Variants in HPS4 observed in about 807,000 individuals in gnomAD.
The protein encoded by HPS4 is HPS4 biogenesis of lysosomal organelles complex 3 subunit 2.
HPS4 carries 44 observed loss-of-function variants against 70.3 expected under a neutral mutation model. The ratio of observed to expected loss-of-function variants is 0.63; its 90% CI spans 0.49 to 0.80. HPS4 has a LOEUF of 0.80. HPS4 is among the 30% of genes least tolerant of loss of function. The probability of loss-of-function intolerance (pLI) is 0.00; values close to 1 mark genes in which losing one functional copy is unlikely to be tolerated. For synonymous variants in HPS4, 377 were observed against 355.9 expected (o/e 1.06, Z -0.67); for missense variants, 873 against 884.4 (o/e 0.99, Z 0.16).
chr22:26,465,583 T>G, intron 9 of HPS4, 32 bp from the exon 10 acceptor site: 1 of 1,561,692 alleles, frequency 6.4e-7, no homozygotes, highest in Non-Finnish European at 8.8e-7. Context: ...AACAGGACTT[T>G]CCCCTGAGCC....
chr22:26,469,088 A>G (rs1023495), intron 7 of HPS4, among the ~76,000 whole-genome samples: 126,591 of 151,998 alleles, frequency 0.83, 53,433 homozygotes, highest in Non-Finnish European at 0.9. Context: ...TACATGTACC[A>G]GTGGGGACAA....
Position 26,479,279 on chromosome 22 carries a change from A to G in HPS4, c.118T>C (p.Phe40Leu). 1 of 1,614,228 alleles carries G rather than the reference A, an allele frequency of 6.2e-7. No individual in the cohort carries two copies. Among genetic ancestry groups the G allele is most frequent in the African/African-American group, 1.3e-5 (1 of 75,054 alleles). ...GDPTRAGICY[F>L]YPSQTLLDQQ... ...GTGTGGCTTACCTGGGAAGGATAAA[A>G]GTAACAAATGCCAGCTCTTGTTGGA... is the stretch of plus-strand genomic sequence containing the variant. The change falls in exon 3 of 14, where the codon TTT becomes CTT. Residue 40 changes from phenylalanine to leucine, a missense_variant. Coordinates refer to ENST00000398145, the MANE Select transcript of HPS4 (RefSeq NM_022081.6).
At chr22:26,466,297 C>T (rs1023210455) in intron 8 of HPS4, 35 bp from the exon 9 acceptor site, 11 of 1,611,746 alleles carry the variant, frequency 6.8e-6, no homozygotes, top group East Asian at 6.7e-5. Context: ...TGGCGCTGGG[C>T]ACCACATTCT....
At chr22:26,468,522 T>C (rs747753997) in intron 8 of HPS4, 29 bp downstream of exon 8, 26 of 1,602,182 alleles carry the variant, frequency 1.6e-5, no homozygotes, top group Middle Eastern at 1.6e-4. Flanking sequence ...GGGGATGCTG[T>C]CCAGCCAGGT....
chr22:26,453,711 A>C (rs1214670412), intron 13 of HPS4: 1 of 422,334 alleles, frequency 2.4e-6, no homozygotes, highest in Non-Finnish European at 4.4e-6. Flanking sequence ...GGCTTTTTTG[A>C]CATACTGGCA....
Position 26,483,757 on chromosome 22 carries a change from C to A in HPS4, c.-562G>T. ...AGCAGCTGGGTACCTGCGACTTCTGCCCCGTACCTGCGCGCGCGGCAGAGA... is the reference window on the plus strand; with the variant it reads ...AGCAGCTGGGTACCTGCGACTTCTGACCCGTACCTGCGCGCGCGGCAGAGA... On this transcript the variant is annotated 5_prime_UTR_variant, in exon 1 of 14. Coordinates refer to ENST00000398145, the MANE Select transcript of HPS4 (RefSeq NM_022081.6). 1.8e-6 allele frequency: 1 copy of A among 562,332 alleles called. No individual in the cohort carries two copies. Among genetic ancestry groups the A allele is most frequent in the Admixed American group, 4.5e-5 (1 of 22,432 alleles). The allele number at this position is 562,332 out of a possible 1,614,324, so 34.8% of individuals were successfully genotyped here.
intron 9 of HPS4, chr22:26,465,770 G>A: frequency 1.7e-6 from 1 of 593,964 alleles, no homozygotes; most frequent in South Asian, 2.0e-5. Flanking sequence ...CCCAGCTTTG[G>A]AGAAGGAAGA....
chr22:26,447,235 C>T (rs1463665879), downstream of HPS4, among the ~76,000 whole-genome samples: 4 of 152,050 alleles, frequency 2.6e-5, no homozygotes, highest in African/African-American at 4.8e-5. Context: ...GAAAGAGAGG[C>T]CACTTTTTAT....
chr22:26,444,129 G>C (rs538527286), downstream of HPS4: 1 of 152,160 alleles, frequency 6.6e-6, no homozygotes, highest in Non-Finnish European at 1.5e-5. Flanking sequence ...ATAGGACCGC[G>C]CTCACCCAGC....
In HPS4 at chr22:26,483,731, C is replaced by G. The variant is rs1015932771; in HGVS notation, c.-536G>C. The G allele has an allele frequency of 2.2e-6, 1 of 446,668 alleles. No homozygotes were observed. Among genetic ancestry groups the G allele is most frequent in the African/African-American group, 2.1e-5 (1 of 48,444 alleles). The allele number at this position is 446,668 out of a possible 1,614,324, so 27.7% of individuals were successfully genotyped here. On this transcript the variant is annotated 5_prime_UTR_variant, in exon 1 of 14. Transcript: ENST00000398145. ...CGGGACTCTGGACCAGAAATGTGGG[C>G]AGCAGCTGGGTACCTGCGACTTCTG...
At chr22:26,463,819 C>A in intron 11 of HPS4, 98 bp downstream of exon 11, 9 of 1,301,988 alleles carry the variant, frequency 6.9e-6, no homozygotes, top group Non-Finnish European at 9.8e-6. Context: ...AGGGCTGAGC[C>A]TTTATCTCTT....
intron 11 of HPS4, among the ~76,000 whole-genome samples, chr22:26,462,371 G>T (rs2285213): frequency 0.82 from 124,801 of 152,080 alleles, 51,919 homozygotes; most frequent in Non-Finnish European, 0.89. Flanking sequence ...GCAGGGCAGT[G>T]GGGGGACAGA....
rs2099584929 is a variant in HPS4 at position 26,452,874 on chromosome 22, T to C, written c.*359A>G. The C allele has an allele frequency of 3.1e-6, 1 of 318,666 alleles. No homozygotes were observed. The highest frequency in any genetic ancestry group is 6.0e-6 in the Non-Finnish European group (1 of 165,920). The allele number at this position is 318,666 out of a possible 1,614,324, so 19.7% of individuals were successfully genotyped here. On this transcript the variant is annotated 3_prime_UTR_variant, in exon 14 of 14. Transcript: ENST00000398145. ...TCTGGGCTAGTGGACGATCAGGTTC[T>C]AGAAAAAATGCCAACTTGGAAGCTT...
chr22:26,481,402 T>C (rs1162162175), intron 2 of HPS4, among the ~76,000 whole-genome samples: 1 of 152,184 alleles, frequency 6.6e-6, no homozygotes, highest in Non-Finnish European at 1.5e-5. Flanking sequence ...AATGCAACCA[T>C]ACCTCATCTC....
chr22:26,483,413 C>A (rs903579364), intron 1 of HPS4, among the ~76,000 whole-genome samples: 1 of 152,174 alleles, frequency 6.6e-6, no homozygotes, highest in Non-Finnish European at 1.5e-5. Flanking sequence ...GGTGATACTG[C>A]TGTGGGAAGG....
chr22:26,453,632 A>G (rs552338204), intron 13 of HPS4: 1 of 581,566 alleles, frequency 1.7e-6, no homozygotes, highest in South Asian at 1.9e-5. Context: ...CCGTGGCGGG[A>G]CCATCCACAG....
chr22:26,445,265 C>T (rs1375832421), intron 3 of HPS4, among the ~76,000 whole-genome samples: 1 of 151,982 alleles, frequency 6.6e-6, no homozygotes, highest in African/African-American at 2.4e-5. Context: ...ACCTGGGAGG[C>T]GGGGGCTGCA....
In HPS4 at chr22:26,463,902, T is replaced by C; in HGVS notation, c.1713+15A>G. The C allele has an allele frequency of 6.2e-7, 1 of 1,611,292 alleles. No homozygotes were observed. Among genetic ancestry groups the C allele is most frequent in the African/African-American group, 1.3e-5 (1 of 74,964 alleles). On this transcript the variant is annotated intron_variant, in intron 11 of 13. Coordinates refer to ENST00000398145, the MANE Select transcript of HPS4 (RefSeq NM_022081.6). ...GAGGCCGCAGAGGGGCAGGAGAAGG[T>C]CTGAGGACACTCACCACTTCCTCTA...
chr22:26,466,326 A>C (rs1283455707), intron 8 of HPS4, 64 bp from the exon 9 acceptor site: 1 of 1,577,798 alleles, frequency 6.3e-7, no homozygotes, highest in South Asian at 1.1e-5. Context: ...CCTAACCATC[A>C]GGAATTTGCT....
Sources: allele counts gnomAD v4.1 joint callset (sites outside exome capture counted in the v4.1 genomes callset), GRCh38; gene constraint gnomAD v4.1.1; transcripts MANE v1.5; gene names NCBI Gene and HGNC (gene_info 2026-07-23, HGNC 2026-07-21).